GPA33: variants seen among roughly 807,000 people sequenced by gnomAD.
The protein encoded by GPA33 is glycoprotein A33, also known as cell surface A33 antigen.
In GPA33, 27 loss-of-function variants were observed where a neutral mutation model predicts 35.6. The ratio of observed to expected loss-of-function variants is 0.76; its 90% CI spans 0.56 to 1.04. The LOEUF is 1.04. GPA33 is among the 50% of genes least tolerant of loss of function. The probability of loss-of-function intolerance (pLI) is 0.00; values close to 1 mark genes in which losing one functional copy is unlikely to be tolerated. For synonymous variants in GPA33, 176 were observed against 164.0 expected, an observed-to-expected ratio of 1.07 and a Z score of -0.56; for missense variants, 428 against 411.9, an observed-to-expected ratio of 1.04 and a Z score of -0.34.
Position 167,079,268 on chromosome 1 carries a change from G to T in GPA33, c.44-5729C>A, listed in dbSNP as rs189419838. Among the ~76,000 whole-genome samples the T allele has an allele frequency of 8.5e-5, 13 of 152,174 alleles. No homozygotes were observed. The East Asian group carries it at 1.9e-3, about 23-fold the overall frequency. On this transcript the variant is annotated intron_variant, in intron 1 of 6. Transcript: ENST00000367868. ...AGCACTTTGGGAGGCTAAGGCGGGC[G>T]GATTGCCTGAGCTCAGGAATTCGAG...
chr1:167,054,199 C>T lies in GPA33; in HGVS notation c.*135G>A. On this transcript the variant is annotated 3_prime_UTR_variant, in exon 7 of 7. Coordinates refer to ENST00000367868, the MANE Select transcript of GPA33 (RefSeq NM_005814.3). Reference sequence around the variant, plus strand: ...GGCCAGCCATGTTCCCCACAGCTGACACTGGGGAAGAAATGTCCCCATCAA... The same window carrying T: ...GGCCAGCCATGTTCCCCACAGCTGATACTGGGGAAGAAATGTCCCCATCAA... 8.5e-7 allele frequency: 1 copy of T among 1,172,172 alleles called. No homozygotes were observed. The highest frequency in any genetic ancestry group is 1.2e-6 in the Non-Finnish European group (1 of 820,808). 72.6% of individuals were successfully genotyped at this position (1,172,172 alleles called of 1,614,324 possible).
chr1:167,056,622 G>GT (rs1558001687), intron 4 of GPA33, among the ~76,000 whole-genome samples: 37 of 19,600 alleles, frequency 1.9e-3, no homozygotes, highest in East Asian at 4.5e-3. Context: ...TGTGTGTGGT[G>GT]AGTGTGTGAT....
At chr1:167,083,553 G>A (rs751811975) in intron 1 of GPA33, among the ~76,000 whole-genome samples, 93 of 152,258 alleles carry the variant, frequency 6.1e-4, no homozygotes, top group Non-Finnish European at 8.4e-4. Flanking sequence ...CTGCTCTCAC[G>A]GCGTTCACTG....
intron 3 of GPA33, 84 bp downstream of exon 3, chr1:167,068,838 C>T (rs578227523): frequency 1.1e-5 from 11 of 994,666 alleles, no homozygotes; most frequent in Admixed American, 2.0e-5. Context: ...CCTCTGGCTT[C>T]GTCTCAACAC....
chr1:167,063,635 T>C lies in GPA33; in HGVS notation c.518A>G (p.Tyr173Cys). 1.2e-6 allele frequency: 2 copies of C among 1,613,796 alleles called. No homozygotes were observed. Among genetic ancestry groups the C allele is most frequent in the South Asian group, 1.1e-5 (1 of 91,060 alleles). The change falls in exon 4 of 7, where the codon TAC (tyrosine) becomes TGC (cysteine). Residue 173 changes from tyrosine to cysteine, a missense_variant. Tyr to Cys is a radical substitution (Grantham distance 194, BLOSUM62 -2). Transcript: ENST00000367868. Reference protein sequence around the residue: ...QSKEGSPTPQYSWKRYNILNQ... With the variant: ...QSKEGSPTPQCSWKRYNILNQ... ...CAGGATGTTGTACCTCTTCCAGCTG[T>C]ACTGAGGGGTTGGTGAGCCCTCCTT... is the stretch of plus-strand genomic sequence containing the variant.
intron 2 of GPA33, among the ~76,000 whole-genome samples, chr1:167,071,624 G>T (rs1666723228): frequency 6.6e-6 from 1 of 152,176 alleles, no homozygotes; most frequent in Admixed American, 6.5e-5. Context: ...AGATGCAAAG[G>T]TGTCTCGGGC....
chr1:167,054,904 C>A, intron 6 of GPA33, 72 bp downstream of exon 6: 1 of 1,538,608 alleles, frequency 6.5e-7, no homozygotes, highest in Non-Finnish European at 8.9e-7. Context: ...GTAGAAGAGG[C>A]TGTGAGGAAT....
chr1:167,054,779 AAAACCACAGGACTGGG>A (rs1666198957), intron 6 of GPA33, among the ~76,000 whole-genome samples, 181 bp downstream of exon 6: 1 of 152,162 alleles, frequency 6.6e-6, no homozygotes. Flanking sequence ...CCCAGACTGG[AAAACCACAGGACTGGG>A]AGGCAGGTCC....
rs924333486 is a variant in GPA33, at chr1:167,052,864, T to C, written c.*1470A>G. The C allele has an allele frequency of 6.6e-6, 1 of 152,190 alleles. No individual in the cohort carries two copies. The highest frequency in any genetic ancestry group is 1.5e-5 in the Non-Finnish European group (1 of 68,032). The allele number at this position is 152,190 out of a possible 1,614,324, so 9.4% of individuals were successfully genotyped here. A position where few individuals can be genotyped will look rare whatever the true frequency, so the allele number is the denominator to read the frequency against. ...GAATTTCCACCCACAATTTTATTAT[T>C]ACTGAAAGCATTTGGAATGAAGCAA... On this transcript the variant is annotated 3_prime_UTR_variant, in exon 7 of 7. Coordinates refer to ENST00000367868, the MANE Select transcript of GPA33 (RefSeq NM_005814.3).
At chr1:167,056,597 A>G (rs1205317173) in intron 4 of GPA33, among the ~76,000 whole-genome samples, 10 of 1,444 alleles carry the variant, frequency 6.9e-3, no homozygotes, top group Non-Finnish European at 0.014. Flanking sequence ...GTATGTGTGT[A>G]TGTGGTGTGT....
chr1:167,062,646 CTTTTT>C (rs768326263), intron 4 of GPA33, among the ~76,000 whole-genome samples: 33 of 79,990 alleles, frequency 4.1e-4, no homozygotes, highest in African/African-American at 1.4e-3. Flanking sequence ...ATAGCTCTTT[CTTTTT>C]TTTTTTTTTT....
chr1:167,072,583 G>A (rs1027881688), intron 2 of GPA33, among the ~76,000 whole-genome samples: 3 of 151,964 alleles, frequency 2.0e-5, no homozygotes, highest in Non-Finnish European at 2.9e-5. Context: ...ACATATAAGG[G>A]TATTTATATT....
At chr1:167,081,528 G>A (rs148896892) in intron 1 of GPA33, among the ~76,000 whole-genome samples, 6 of 152,232 alleles carry the variant, frequency 3.9e-5, no homozygotes, top group East Asian at 1.9e-4. Flanking sequence ...ATGTTGAACC[G>A]TTCATTCAAC....
At chr1:167,087,806 C>T (rs1667084134) in intron 1 of GPA33, among the ~76,000 whole-genome samples, 1 of 151,682 alleles carries the variant, frequency 6.6e-6, no homozygotes, top group Non-Finnish European at 1.5e-5. Flanking sequence ...ATCCCAGCTA[C>T]TAGGGAGGCT....
chr1:167,072,918 G>T (rs1666749137), intron 2 of GPA33, among the ~76,000 whole-genome samples: 1 of 151,996 alleles, frequency 6.6e-6, no homozygotes, highest in Non-Finnish European at 1.5e-5. Context: ...TGAGACAGGA[G>T]AAGCAGGGAT....
At position 167,063,640 on chromosome 1, in the gene GPA33, AG is replaced by A. The variant is rs767868865; in HGVS notation, c.512del (p.Pro171LeufsTer11). The A allele has an allele frequency of 2.5e-6, 4 of 1,613,546 alleles. No homozygotes were observed. The highest frequency in any genetic ancestry group is 2.5e-6 in the Non-Finnish European group (3 of 1,179,978). On this transcript the variant is annotated frameshift_variant, in exon 4 of 7. Transcript: ENST00000367868. LOFTEE classifies it high-confidence loss of function. Reference sequence around the variant, plus strand: ...TGTTGTACCTCTTCCAGCTGTACTGAGGGGTTGGTGAGCCCTCCTTTGATTG... The same window carrying A: ...TGTTGTACCTCTTCCAGCTGTACTGAGGGTTGGTGAGCCCTCCTTTGATTG... ...TCQSKEGSPT[P>X]QYSWKRYNIL...
At chr1:167,070,279 G>A (rs565356867) in intron 2 of GPA33, among the ~76,000 whole-genome samples, 1 of 152,280 alleles carries the variant, frequency 6.6e-6, no homozygotes, top group Admixed American at 6.5e-5. Context: ...ACTGGTGAGA[G>A]GGTGAGCTTG....
chr1:167,062,646 C>CTTTCT (rs1553243532), intron 4 of GPA33, among the ~76,000 whole-genome samples: 1 of 79,990 alleles, frequency 1.3e-5, no homozygotes, highest in Non-Finnish European at 2.4e-5. Flanking sequence ...ATAGCTCTTT[C>CTTTCT]TTTTTTTTTT....
chr1:167,054,575 A>G lies in GPA33; in HGVS notation c.828-109T>C, dbSNP rs1010425298. ...AGAGCAGCCTCCAGACCTCCTCCCC[A>G]CCCACCAGCTGCAGAGGACACTGGG... On this transcript the variant is annotated intron_variant, in intron 6 of 6. Coordinates refer to ENST00000367868, the MANE Select transcript of GPA33 (RefSeq NM_005814.3). 5.2e-6 allele frequency: 7 copies of G among 1,341,186 alleles called. No individual in the cohort carries two copies. In the African/African-American group the frequency reaches 1.0e-4, roughly 19 times the overall value. The allele number at this position is 1,341,186 out of a possible 1,614,324, so 83.1% of individuals were successfully genotyped here. A position where few individuals can be genotyped will look rare whatever the true frequency, so the allele number is the denominator to read the frequency against.
Sources: allele counts gnomAD v4.1 joint callset (sites outside exome capture counted in the v4.1 genomes callset), GRCh38; gene constraint gnomAD v4.1.1; transcripts MANE v1.5; gene names NCBI Gene and HGNC (gene_info 2026-07-23, HGNC 2026-07-21).